Variants in SLC46A2 observed in about 807,000 individuals in gnomAD.
SLC46A2 encodes solute carrier family 46 member 2.
Under a neutral mutation model 33.1 loss-of-function variants are expected in SLC46A2, and 25 were observed. The observed-to-expected ratio is 0.76, with a 90% CI of 0.55 to 1.06. SLC46A2 has a LOEUF of 1.06. SLC46A2 is among the 50% of genes least tolerant of loss of function. SLC46A2 has a pLI of 0.00. For synonymous variants in SLC46A2, 254 were observed against 275.9 expected, an observed-to-expected ratio of 0.92 and a Z score of 0.79; for missense variants, 622 against 621.7, an observed-to-expected ratio of 1.00 and a Z score of 0.00.
chr9:112,884,827 G>A (rs1841623977), intron 3 of SLC46A2, among the ~76,000 whole-genome samples: 1 of 152,068 alleles, frequency 6.6e-6, no homozygotes, highest in Non-Finnish European at 1.5e-5. Flanking sequence ...TTGATTTTTG[G>A]GTTTTGTTTA....
At chr9:112,882,214 C>G (rs1429890662) in intron 3 of SLC46A2, among the ~76,000 whole-genome samples, 3 of 152,160 alleles carry the variant, frequency 2.0e-5, no homozygotes, top group Non-Finnish European at 2.9e-5. Flanking sequence ...TCAAGCAATC[C>G]TCGCACATCA....
intron 3 of SLC46A2, among the ~76,000 whole-genome samples, chr9:112,883,333 C>T (rs886199461): frequency 1.3e-5 from 2 of 152,122 alleles, no homozygotes; most frequent in African/African-American, 4.8e-5. Context: ...GGAGAGGCCG[C>T]ACCCAGATAC....
intron 1 of SLC46A2, among the ~76,000 whole-genome samples, chr9:112,888,058 A>T (rs1841668696): frequency 6.6e-6 from 1 of 152,102 alleles, no homozygotes; most frequent in Non-Finnish European, 1.5e-5. Context: ...CGGGTGGATC[A>T]TCTGAGGTCA....
At chr9:112,882,515 G>A (rs1263351273) in intron 3 of SLC46A2, among the ~76,000 whole-genome samples, 2 of 152,214 alleles carry the variant, frequency 1.3e-5, no homozygotes, top group East Asian at 3.8e-4. Context: ...GCCACCTGCT[G>A]GAGAGAGGAT....
chr9:112,884,200 C>T (rs773209030), intron 3 of SLC46A2, among the ~76,000 whole-genome samples: 4 of 152,218 alleles, frequency 2.6e-5, no homozygotes, highest in Non-Finnish European at 4.4e-5. Flanking sequence ...CAGCCACAGC[C>T]CCCTGGGATT....
At position 112,879,075 on chromosome 9, in the gene SLC46A2, A is replaced by G. The variant is rs935277319; in HGVS notation, c.*687T>C. ...AAGCACTGTTGACTGGAAGTACTCA[A>G]TTGAACATCCCATTGAAGAAAGCCT... On this transcript the variant is annotated 3_prime_UTR_variant, in exon 4 of 4. Coordinates refer to ENST00000374228, the MANE Select transcript of SLC46A2 (RefSeq NM_033051.4). 1.3e-5 allele frequency: 2 copies of G among 152,164 alleles called. No homozygotes were observed. Among genetic ancestry groups the G allele is most frequent in the African/African-American group, 2.4e-5 (1 of 41,438 alleles). The allele number at this position is 152,164 out of a possible 1,614,324, so 9.4% of individuals were successfully genotyped here.
chr9:112,881,790 A>G (rs1369734324), intron 3 of SLC46A2: 1 of 152,222 alleles, frequency 6.6e-6, no homozygotes, highest in African/African-American at 2.4e-5. Flanking sequence ...TTAAACAGCT[A>G]ATCATGAAAT....
intron 3 of SLC46A2, among the ~76,000 whole-genome samples, chr9:112,884,681 A>G (rs1366774957): frequency 1.3e-5 from 2 of 152,244 alleles, no homozygotes; most frequent in East Asian, 3.8e-4. Flanking sequence ...TGTCTACAAC[A>G]GAGGGAAACA....
chr9:112,879,714 G>C lies in SLC46A2; in HGVS notation c.*48C>G, dbSNP rs1261328921. The C allele has an allele frequency of 6.4e-7, 1 of 1,555,278 alleles. No homozygotes were observed. The highest frequency in any genetic ancestry group is 8.9e-7 in the Non-Finnish European group (1 of 1,128,300). On this transcript the variant is annotated 3_prime_UTR_variant, in exon 4 of 4. Transcript: ENST00000374228. ...TCCCTGGTCCCTTCTTTTGTCTTCT[G>C]GGGGCCTGGCCATGGCTGATGTTTT...
chr9:112,885,434 A>ATG (rs1440753991), intron 3 of SLC46A2: 2 of 57,174 alleles, frequency 3.5e-5, no homozygotes, highest in Admixed American at 2.5e-4. Flanking sequence ...GTATATATAT[A>ATG]TATGTGTATA....
chr9:112,888,712 G>A (rs1409915430), intron 1 of SLC46A2, among the ~76,000 whole-genome samples: 1 of 152,186 alleles, frequency 6.6e-6, no homozygotes, highest in Admixed American at 6.5e-5. Context: ...TGTGCCCTCA[G>A]ATGGAAACTT....
chr9:112,885,978 A>AT (rs1259964372), intron 3 of SLC46A2, among the ~76,000 whole-genome samples: 1 of 152,152 alleles, frequency 6.6e-6, no homozygotes, highest in Non-Finnish European at 1.5e-5. Flanking sequence ...AGTCAAGGGA[A>AT]TTGTCTGAGG....
chr9:112,889,913 C>G lies in SLC46A2; in HGVS notation c.769G>C (p.Asp257His). The change falls in exon 1 of 4, where the codon GAT becomes CAT. Residue 257 changes from aspartate to histidine, a missense_variant. Asp to His is a moderately conservative substitution (Grantham distance 81, BLOSUM62 -1). Transcript: ENST00000374228. ...SGTVGTYRTL[D>H]PDQLDQQYAV... ...TACTGTTGGTCCAACTGATCAGGAT[C>G]CAGAGTGCGGTATGTGCCAACCGTG... is the stretch of plus-strand genomic sequence containing the variant. The G allele has an allele frequency of 6.2e-7, 1 of 1,614,224 alleles. No individual in the cohort carries two copies. The highest frequency in any genetic ancestry group is 2.2e-5 in the East Asian group (1 of 44,878).
At chr9:112,889,146 C>G (rs1276393458) in intron 1 of SLC46A2, among the ~76,000 whole-genome samples, 2 of 152,278 alleles carry the variant, frequency 1.3e-5, no homozygotes, top group East Asian at 3.9e-4. Flanking sequence ...CCACCTCCCG[C>G]CCAAAGTGCT....
intron 3 of SLC46A2, among the ~76,000 whole-genome samples, chr9:112,882,434 A>G (rs1229564873): frequency 6.6e-6 from 1 of 152,136 alleles, no homozygotes; most frequent in Non-Finnish European, 1.5e-5. Flanking sequence ...CCTAAGAGCA[A>G]TGAAAGCCAA....
chr9:112,883,723 A>T (rs138300074), intron 3 of SLC46A2, among the ~76,000 whole-genome samples: 9,185 of 129,372 alleles, frequency 0.071, 372 homozygotes, highest in Non-Finnish European at 0.098. Flanking sequence ...TTTGAGATGG[A>T]GTCTAGCTCT....
rs370944448 is a variant in SLC46A2, at chr9:112,883,232, GAGA to G, written c.1370+3225_1370+3227del. Among the ~76,000 whole-genome samples the G allele has an allele frequency of 3.6e-3, 552 of 152,230 alleles. 7 individuals carry two copies. Among genetic ancestry groups the G allele is most frequent in the African/African-American group, 0.013 (532 of 41,532 alleles). ...TGCCTTGGGATAACTTGACTATGAA[GAGA>G]AGGAGAGACGGAGGAAGAGCATATG... On this transcript the variant is annotated intron_variant, in intron 3 of 3. Transcript: ENST00000374228.
intron 1 of SLC46A2, among the ~76,000 whole-genome samples, chr9:112,889,128 T>A (rs1206665405): frequency 6.6e-6 from 1 of 152,122 alleles, no homozygotes; most frequent in East Asian, 1.9e-4. Context: ...TGGCCTCAAG[T>A]GATCCTCCCA....
At position 112,879,486 on chromosome 9, in the gene SLC46A2, TG is replaced by T; in HGVS notation, c.*275del. Reference sequence around the variant, plus strand: ...CTGGGACTGCTGTGTGCAGCCTGCCTGTAACCCTTAAGGTCATGCTCTGCTG... The same window carrying T: ...CTGGGACTGCTGTGTGCAGCCTGCCTTAACCCTTAAGGTCATGCTCTGCTG... On this transcript the variant is annotated 3_prime_UTR_variant, in exon 4 of 4. Transcript: ENST00000374228. 1 of 383,536 alleles carries T rather than the reference TG, an allele frequency of 2.6e-6. No homozygotes were observed. The highest frequency in any genetic ancestry group is 4.8e-6 in the Non-Finnish European group (1 of 206,190). 23.8% of individuals were successfully genotyped at this position (383,536 alleles called of 1,614,324 possible). A position where few individuals can be genotyped will look rare whatever the true frequency, so the allele number is the denominator to read the frequency against.
Sources: gnomAD v4.1 joint callset for allele counts (sites outside exome capture counted in the v4.1 genomes callset) on GRCh38, gnomAD v4.1.1 for gene constraint, MANE v1.5 for transcripts, NCBI Gene and HGNC (gene_info 2026-07-23, HGNC 2026-07-21) for gene names.